Variants in SYNE1 observed in about 807,000 individuals in gnomAD.
SYNE1 encodes nesprin-1.
A neutral mutation model predicts 1,111.0 loss-of-function variants in SYNE1; 616 were observed. That is an observed-to-expected ratio of 0.55 (90% CI 0.52 to 0.59). SYNE1 has a LOEUF of 0.59. SYNE1 is among the 20% of genes least tolerant of loss of function. The pLI, the probability that SYNE1 is intolerant of heterozygous loss-of-function variation, is 0.00. For synonymous variants in SYNE1, 3,855 were observed against 3,825.8 expected (o/e 1.01, Z -0.28); for missense variants, 10,006 against 10,417.0 (o/e 0.96, Z 1.72).
intron 3 of SYNE1, among the ~76,000 whole-genome samples, chr6:152,569,762 A>G (rs2099437248): frequency 6.6e-6 from 1 of 152,336 alleles, no homozygotes; most frequent in East Asian, 1.9e-4. Context: ...AGATGGCCCT[A>G]GAAGTGTGAA....
chr6:152,155,828 A>G, intron 132 of SYNE1, 82 bp downstream of exon 132: 1 of 1,531,944 alleles, frequency 6.5e-7, no homozygotes, highest in Non-Finnish European at 9.0e-7. Context: ...AACAGGAAAG[A>G]GTGAACAGTG....
At chr6:152,237,067 C>T (rs893943706) in intron 108 of SYNE1, 119 bp from the exon 109 acceptor site, 28 of 1,372,820 alleles carry the variant, frequency 2.0e-5, no homozygotes, top group African/African-American at 1.7e-4. Context: ...GAGATGTTTG[C>T]GTTGGGCCTT....
intron 95 of SYNE1, 88 bp downstream of exon 95, chr6:152,293,500 C>T (rs2094709999): frequency 6.1e-6 from 9 of 1,480,642 alleles, no homozygotes; most frequent in Non-Finnish European, 8.5e-6. Flanking sequence ...AGTCACCTGG[C>T]TGTCTCAAAC....
At chr6:152,256,447 TAAATAAATAA>T (rs1225931219) in intron 102 of SYNE1, among the ~76,000 whole-genome samples, 177 bp downstream of exon 102, 1 of 150,974 alleles carries the variant, frequency 6.6e-6, no homozygotes, top group African/African-American at 2.4e-5. Context: ...AATAAATAAA[TAAATAAATAA>T]ATAAATAAAT....
At position 152,472,350 on chromosome 6, in the gene SYNE1, C is replaced by T. The variant is rs952688216; in HGVS notation, c.1414G>A (p.Val472Ile). Reference protein sequence around the residue: ...AFHEIYRTRSVNGIPVPPDQL... With the variant: ...AFHEIYRTRSINGIPVPPDQL... ...TCAGGTGGCACTGGAATCCCGTTAACAGACCTGGTCCGGTAGATTTCATGG... is the reference window on the plus strand; with the variant it reads ...TCAGGTGGCACTGGAATCCCGTTAATAGACCTGGTCCGGTAGATTTCATGG... The change falls in exon 15 of 146, where the codon GTT (valine) becomes ATT (isoleucine). Residue 472 changes from valine (V) to isoleucine (I), a missense_variant. By Grantham distance (29) the Val-to-Ile change is conservative (BLOSUM62 3). Coordinates refer to ENST00000367255, the MANE Select transcript of SYNE1 (RefSeq NM_182961.4). 34 of 1,613,940 alleles carry T rather than the reference C, an allele frequency of 2.1e-5. No individual in the cohort carries two copies. The highest frequency in any genetic ancestry group is 2.5e-5 in the Non-Finnish European group (30 of 1,179,988).
chr6:152,527,007 G>A (rs2099166686), intron 4 of SYNE1, among the ~76,000 whole-genome samples: 1 of 152,126 alleles, frequency 6.6e-6, no homozygotes. Flanking sequence ...CAATGTTGAT[G>A]GTCAATAGAG....
At chr6:152,235,101 G>A (rs941512980) in intron 110 of SYNE1, among the ~76,000 whole-genome samples, 3 of 152,104 alleles carry the variant, frequency 2.0e-5, no homozygotes, top group Non-Finnish European at 4.4e-5. Context: ...AAATAAAGGC[G>A]GCTTAGACAC....
intron 91 of SYNE1, among the ~76,000 whole-genome samples, chr6:152,304,606 G>C (rs1318863688): frequency 6.6e-6 from 1 of 152,174 alleles, no homozygotes; most frequent in Non-Finnish European, 1.5e-5. Context: ...TTACAGGCGT[G>C]AGCCACCATG....
At chr6:152,166,255 C>G (rs949394007) in intron 130 of SYNE1, among the ~76,000 whole-genome samples, 1 of 152,140 alleles carries the variant, frequency 6.6e-6, no homozygotes, top group African/African-American at 2.4e-5. Context: ...ATTTCCCTAC[C>G]CCGGCCATGC....
intron 69 of SYNE1, 79 bp downstream of exon 69, chr6:152,353,184 T>C: frequency 6.5e-7 from 1 of 1,543,484 alleles, no homozygotes; most frequent in Non-Finnish European, 9.0e-7. Flanking sequence ...ATCACCTGTG[T>C]TTCCAGTATC....
rs77675624 is a variant in SYNE1 at position 152,430,143 on chromosome 6, G to A, written c.4757C>T (p.Thr1586Ile). The change falls in exon 36 of 146, where the codon ACA (threonine) becomes ATA (isoleucine). Residue 1586 changes from threonine (T) to isoleucine (I), a missense_variant. By Grantham distance (89) the Thr-to-Ile change is moderately conservative. Around this residue, in one of 7 missense-constraint regions of SYNE1, gnomAD observed 1,971 missense variants for 2,084.1 expected, o/e 0.95. Transcript: ENST00000367255. ...AVPIKICSSA[T>I]ETYKVLQEHM... ...TTCTTGAAGAACTTTGTATGTTTCT[G>A]TAGCTGAAGAACATATTTTAATTGG... 2 of 1,602,916 alleles carry A rather than the reference G, an allele frequency of 1.2e-6. No homozygotes were observed. Among genetic ancestry groups the A allele is most frequent in the African/African-American group, 1.3e-5 (1 of 74,722 alleles).
intron 42 of SYNE1, among the ~76,000 whole-genome samples, chr6:152,413,082 C>T (rs2098092821): frequency 6.6e-6 from 1 of 152,090 alleles, no homozygotes; most frequent in Non-Finnish European, 1.5e-5. Context: ...AACTCCTGAC[C>T]TCAGGTGATT....
At chr6:152,493,828 G>A (rs148366929) in intron 11 of SYNE1, among the ~76,000 whole-genome samples, 155 of 151,862 alleles carry the variant, frequency 1.0e-3, no homozygotes, top group African/African-American at 3.5e-3. Context: ...AGGTACTTTC[G>A]CCTTTGGATA....
chr6:152,465,229 T>C (rs2098757517), intron 18 of SYNE1, 29 bp downstream of exon 18: 1 of 1,610,718 alleles, frequency 6.2e-7, no homozygotes, highest in Non-Finnish European at 8.5e-7. Context: ...ACATCAAACG[T>C]CTTTTCTTTT....
intron 38 of SYNE1, 53 bp from the exon 39 acceptor site, chr6:152,425,600 G>A (rs2098339662): frequency 6.2e-7 from 1 of 1,606,306 alleles, no homozygotes; most frequent in Admixed American, 1.7e-5. Flanking sequence ...GAAAAGTAAG[G>A]ACCATGCGGC....
chr6:152,345,570 A>G (rs1281315078), intron 73 of SYNE1, among the ~76,000 whole-genome samples: 1 of 107,996 alleles, frequency 9.3e-6, no homozygotes, highest in Admixed American at 1.0e-4. Context: ...TTAACCTTTG[A>G]AGGTGAATTT....
chr6:152,529,049 C>T (rs755588149), intron 4 of SYNE1, among the ~76,000 whole-genome samples: 3 of 152,086 alleles, frequency 2.0e-5, no homozygotes, highest in Non-Finnish European at 2.9e-5. Flanking sequence ...TAGGTAGTGG[C>T]TGTGAATATT....
In SYNE1 at chr6:152,399,833, A is replaced by T. The variant is rs753502003; in HGVS notation, c.7030-10T>A. The T allele has an allele frequency of 1.2e-6, 2 of 1,612,660 alleles. No homozygotes were observed. The highest frequency in any genetic ancestry group is 8.5e-7 in the Non-Finnish European group (1 of 1,178,676). On this transcript the variant is annotated splice_polypyrimidine_tract_variant and intron_variant, in intron 47 of 145. Coordinates refer to ENST00000367255, the MANE Select transcript of SYNE1 (RefSeq NM_182961.4). ...GTTCTTTTTGTATATCCTACAGAAT[A>T]AAAGTATATTATGAAGGATATTCAT...
At chr6:152,549,848 A>G (rs2141149) in intron 3 of SYNE1, among the ~76,000 whole-genome samples, 51,036 of 151,606 alleles carry the variant, frequency 0.34, 8,885 homozygotes, top group East Asian at 0.45. Context: ...TTTTGTATTT[A>G]AAACCAGTGG....
Sources: gnomAD v4.1 joint callset for allele counts (sites outside exome capture counted in the v4.1 genomes callset) on GRCh38, gnomAD v4.1.1 for gene constraint, gnomAD v4.1.1 regional missense constraint, MANE v1.5 for transcripts, NCBI Gene and HGNC (gene_info 2026-07-23, HGNC 2026-07-21) for gene names.